Variants in HMCN2 observed in about 807,000 individuals in gnomAD.
The protein encoded by HMCN2 is hemicentin 2, also known as hemicentin-2.
A neutral mutation model predicts 377.5 loss-of-function variants in HMCN2; 325 were observed. That is an observed-to-expected ratio of 0.86 (90% CI 0.79 to 0.94). The LOEUF (loss-of-function observed/expected upper bound fraction) is 0.94. Among genes scored for constraint, HMCN2 ranks in the 40% least tolerant of loss-of-function variants. The pLI is 0.00. For missense variants in HMCN2, 4,543 were observed against 4,725.3 expected (o/e 0.96, Z 1.13); for synonymous variants, 2,007 against 2,046.8 (o/e 0.98, Z 0.53).
At chr9:130,405,732 A>G (rs576711522) in intron 81 of HMCN2, among the ~76,000 whole-genome samples, 1 of 152,364 alleles carries the variant, frequency 6.6e-6, no homozygotes, top group South Asian at 2.1e-4. Flanking sequence ...TATTGCGATC[A>G]TGCAGTCAGG....
chr9:130,340,048 G>A (rs948498732), intron 23 of HMCN2, among the ~76,000 whole-genome samples: 61 of 152,348 alleles, frequency 4.0e-4, no homozygotes, highest in African/African-American at 1.3e-3. Flanking sequence ...GGAGGGGGGC[G>A]ACTCTGGCCA....
Position 130,357,969 on chromosome 9 carries a change from C to G in HMCN2, c.5561C>G (p.Ala1854Gly). The G allele has an allele frequency of 3.1e-6, 4 of 1,304,074 alleles. No individual in the cohort carries two copies. The highest frequency in any genetic ancestry group is 4.0e-6 in the Non-Finnish European group (4 of 988,860). The allele number at this position is 1,304,074 out of a possible 1,614,324, so 80.8% of individuals were successfully genotyped here. Residue 1854 changes from alanine to glycine, a missense_variant, in exon 35 of 98, where the codon GCC becomes GGC. This residue lies in a region of HMCN2 where 1,032 missense variants were observed against 1,285.1 expected (regional missense o/e 0.80). Transcript: ENST00000683500. The stretch of plus-strand genomic sequence containing the variant: ...TGGAAGGATGGTGTAGCCCTGGCAG[C>G]CTTTGGGGGGAACCTACAGGTATGT... ...RWWKDGVALA[A>G]FGGNLQIEKV...
Position 130,369,666 on chromosome 9 carries a change from C to A in HMCN2, c.6884C>A (p.Pro2295His), listed in dbSNP as rs1483856961. The change falls in exon 45 of 98, where the codon CCC (proline) becomes CAC (histidine). Residue 2295 changes from proline to histidine, a missense_variant. Pro to His is a moderately conservative substitution (Grantham distance 77, BLOSUM62 -2). Coordinates refer to ENST00000683500, the MANE Select transcript of HMCN2 (RefSeq NM_001291815.2). The surrounding 1 kb of genome is among the most constrained non-coding windows in gnomAD (Gnocchi z 4.5). ...ATLECNATGK[P>H]PPTVTWERDG... ...CTGGAGTGCAACGCCACAGGGAAAC[C>A]CCCTCCGACAGTGACATGGGAGCGG... is the stretch of plus-strand genomic sequence containing the variant. 1 of 985,798 alleles carries A rather than the reference C, an allele frequency of 1.0e-6. No homozygotes were observed. Among genetic ancestry groups the A allele is most frequent in the Non-Finnish European group, 1.2e-6 (1 of 829,984 alleles). The allele number at this position is 985,798 out of a possible 1,614,324, so 61.1% of individuals were successfully genotyped here.
intron 97 of HMCN2, 165 bp from the exon 98 acceptor site, chr9:130,433,183 T>C (rs1844865786): frequency 1.9e-6 from 1 of 531,840 alleles, no homozygotes; most frequent in Non-Finnish European, 3.2e-6. Flanking sequence ...TAAAACGGGC[T>C]AGCGTGGGAG....
Position 130,360,328 on chromosome 9 carries a change from T to G in HMCN2, c.5774-100T>G. The G allele has an allele frequency of 1.2e-5, 7 of 568,810 alleles. No individual in the cohort carries two copies. The highest frequency in any genetic ancestry group is 1.8e-5 in the Non-Finnish European group (7 of 397,286). The allele number at this position is 568,810 out of a possible 1,614,324, so 35.2% of individuals were successfully genotyped here. ...CATTCCCCCTTGCATCTCTCTTCCTTTCCCCCTTGCATCTCTCTTCCTTTC... is the reference window on the plus strand; with the variant it reads ...CATTCCCCCTTGCATCTCTCTTCCTGTCCCCCTTGCATCTCTCTTCCTTTC... On this transcript the variant is annotated intron_variant, in intron 37 of 97. Transcript: ENST00000683500. The surrounding 1 kb of genome is among the most constrained non-coding windows in gnomAD (Gnocchi z 4.7).
chr9:130,417,744 G>A (rs1055728889), intron 85 of HMCN2, among the ~76,000 whole-genome samples: 2 of 152,194 alleles, frequency 1.3e-5, no homozygotes, highest in East Asian at 3.9e-4. Flanking sequence ...CTTTGGCCCA[G>A]TGAGGCTAAT....
chr9:130,402,632 T>C (rs985687988), intron 77 of HMCN2, among the ~76,000 whole-genome samples, 157 bp from the exon 78 acceptor site: 2 of 152,150 alleles, frequency 1.3e-5, no homozygotes, highest in African/African-American at 4.8e-5. Context: ...AACCTAGATG[T>C]CAGGTTCCCA....
At chr9:130,385,903 G>C in intron 60 of HMCN2, 141 bp downstream of exon 60, 1 of 469,044 alleles carries the variant, frequency 2.1e-6, no homozygotes, top group South Asian at 1.9e-5. Context: ...GAGTGGATTA[G>C]CAGCTTCCAG....
intron 60 of HMCN2, 64 bp downstream of exon 60, chr9:130,385,826 C>G (rs914980): frequency 0.12 from 136,148 of 1,163,458 alleles, 8,358 homozygotes; most frequent in African/African-American, 0.16. Flanking sequence ...CCAGCCCTGG[C>G]GAGCTGCGGG....
rs1175418913 is a variant in HMCN2, at chr9:130,361,209, G to T, written c.5950+605G>T. Among the ~76,000 whole-genome samples the T allele has an allele frequency of 6.6e-6, 1 of 152,234 alleles. No individual in the cohort carries two copies. Among genetic ancestry groups the T allele is most frequent in the Non-Finnish European group, 1.5e-5 (1 of 68,048 alleles). The stretch of plus-strand genomic sequence containing the variant: ...AGTGTAGTGGAGGACACAGCAATCA[G>T]ATCATTCCCCAGAGTACTACTTGAT... On this transcript the variant is annotated intron_variant, in intron 38 of 97. Coordinates refer to ENST00000683500, the MANE Select transcript of HMCN2 (RefSeq NM_001291815.2). The surrounding 1 kb of genome is among the most constrained non-coding windows in gnomAD (Gnocchi z 4.8).
chr9:130,416,235 G>A (rs1460382816), intron 85 of HMCN2, among the ~76,000 whole-genome samples: 1 of 151,152 alleles, frequency 6.6e-6, no homozygotes, highest in African/African-American at 2.4e-5. Context: ...CTCCCAAATA[G>A]CTGGGATTAC....
rs1158268171 is a variant in HMCN2, at chr9:130,354,809, G to A, written c.4911G>A (p.Lys1637=). The A allele has an allele frequency of 6.1e-6, 8 of 1,304,180 alleles. No individual in the cohort carries two copies. Among genetic ancestry groups the A allele is most frequent in the Non-Finnish European group, 8.1e-6 (8 of 988,884 alleles). 80.8% of individuals were successfully genotyped at this position (1,304,180 alleles called of 1,614,324 possible). ...EGAGGRPYVV[K]AVAGRPVALE... ...CCGGTGGAAGACCATACGTGGTGAAGGCTGTGGCTGGGAGGCCTGTGGCGC... is the reference window on the plus strand; with the variant it reads ...CCGGTGGAAGACCATACGTGGTGAAAGCTGTGGCTGGGAGGCCTGTGGCGC... The change falls in exon 32 of 98, where the codon AAG becomes AAA. Residue 1637 remains lysine (K), a synonymous_variant. Coordinates refer to ENST00000683500, the MANE Select transcript of HMCN2 (RefSeq NM_001291815.2).
In HMCN2 at chr9:130,353,021, CA is replaced by C. The variant is rs1183512624; in HGVS notation, c.4681del (p.Thr1561ProfsTer76). The part of the protein sequence containing the change: ...QLLCEARGVP[T>X]PNITWFKDGA... ...TCCTGTGTGAGGCTCGAGGAGTGCC[CA>C]CCCCAAACATCACCTGGTTCAAGGA... On this transcript the variant is annotated frameshift_variant, in exon 31 of 98. Transcript: ENST00000683500. LOFTEE classifies it high-confidence loss of function. 1 of 1,304,180 alleles carries C rather than the reference CA, an allele frequency of 7.7e-7. No homozygotes were observed. 80.8% of individuals were successfully genotyped at this position (1,304,180 alleles called of 1,614,324 possible). A position where few individuals can be genotyped will look rare whatever the true frequency, so the allele number is the denominator to read the frequency against.
At chr9:130,286,114 G>C in intron 3 of HMCN2, 74 bp from the exon 4 acceptor site, 1 of 459,232 alleles carries the variant, frequency 2.2e-6, no homozygotes, top group Non-Finnish European at 4.5e-6. Flanking sequence ...CTCCACCCTG[G>C]TCGAGGTCCT....
At chr9:130,353,391 G>A (rs1237595544) in intron 31 of HMCN2, among the ~76,000 whole-genome samples, 186 bp downstream of exon 31, 2 of 152,328 alleles carry the variant, frequency 1.3e-5, no homozygotes, top group Admixed American at 6.5e-5. Flanking sequence ...CCTCATACCT[G>A]TAAGGAAACT....
In HMCN2 at chr9:130,396,183, C is replaced by G; in HGVS notation, c.11068C>G (p.Arg3690Gly). The G allele has an allele frequency of 7.8e-7, 1 of 1,274,274 alleles. No individual in the cohort carries two copies. The highest frequency in any genetic ancestry group is 1.0e-6 in the Non-Finnish European group (1 of 976,192). 78.9% of individuals were successfully genotyped at this position (1,274,274 alleles called of 1,614,324 possible). A position where few individuals can be genotyped will look rare whatever the true frequency, so the allele number is the denominator to read the frequency against. Reference protein sequence around the residue: ...RVEIHTVPTIRSGPPAVNVSV... With the variant: ...RVEIHTVPTIGSGPPAVNVSV... ...CCCCTCCCCAGCGGTGCCCACCATC[C>G]GGTCAGGACCACCTGCAGTGAACGT... The change falls in exon 73 of 98, where the codon CGG becomes GGG. Residue 3690 changes from arginine (R) to glycine (G), a missense_variant. Transcript: ENST00000683500.
rs1292676963 is a variant in HMCN2 at position 130,304,425 on chromosome 9, C to T, written c.1544-305C>T. Among the ~76,000 whole-genome samples the T allele has an allele frequency of 2.6e-5, 4 of 152,274 alleles. No individual in the cohort carries two copies. Among genetic ancestry groups the T allele is most frequent in the South Asian group, 4.1e-4 (2 of 4,828 alleles). ...ATTCCTCAGCGTGGCATCTTCAGCT[C>T]GGAGGCATGAAGATGGGTGTCCGGC... On this transcript the variant is annotated intron_variant, in intron 10 of 97. Transcript: ENST00000683500. This position sits in a 1 kb window ranked among gnomAD's most constrained non-coding sequence, Gnocchi z 4.3.
intron 22 of HMCN2, among the ~76,000 whole-genome samples, chr9:130,337,668 G>A (rs1838824888): frequency 6.6e-6 from 1 of 151,852 alleles, no homozygotes; most frequent in Admixed American, 6.6e-5. Context: ...ACCCAAGCCA[G>A]TGGACTCCTA....
chr9:130,270,109 C>T lies in HMCN2; in HGVS notation c.259+3972C>T, dbSNP rs1350616530. Among the ~76,000 whole-genome samples, 3 of 147,860 alleles carry T rather than the reference C, an allele frequency of 2.0e-5. 1 individual carries two copies. The highest frequency in any genetic ancestry group is 4.6e-5 in the Non-Finnish European group (3 of 65,896). ...TACAGGCATGAGCTACCATGCCTGGCCTTAACTGTTTCTTTTTTTTTTTAA... is the reference window on the plus strand; with the variant it reads ...TACAGGCATGAGCTACCATGCCTGGTCTTAACTGTTTCTTTTTTTTTTTAA... On this transcript the variant is annotated intron_variant, in intron 1 of 97. Transcript: ENST00000683500.
Sources: allele counts gnomAD v4.1 joint callset (sites outside exome capture counted in the v4.1 genomes callset), GRCh38; gene constraint gnomAD v4.1.1; regional missense constraint gnomAD v4.1.1; non-coding constraint Gnocchi (gnomAD v3.1); transcripts MANE v1.5; gene names NCBI Gene and HGNC (gene_info 2026-07-23, HGNC 2026-07-21).